Variants in MAP2 observed in about 807,000 individuals in gnomAD.
MAP2 encodes the protein microtubule associated protein 2, also known as microtubule-associated protein 2.
A neutral mutation model predicts 137.6 loss-of-function variants in MAP2; 14 were observed. The ratio of observed to expected loss-of-function variants is 0.10; its 90% confidence interval spans 0.07 to 0.16. The LOEUF (loss-of-function observed/expected upper bound fraction) is 0.16. MAP2 is among the 10% of genes least tolerant of loss of function. The pLI is 1.00. For missense variants in MAP2, 2,088 were observed against 2,191.5 expected (o/e 0.95, Z 0.94); for synonymous variants, 786 against 782.3 (o/e 1.00, Z -0.08).
At chr2:209,471,653 A>G (rs1235128656) in intron 1 of MAP2, among the ~76,000 whole-genome samples, 1 of 84,970 alleles carries the variant, frequency 1.2e-5, no homozygotes, top group East Asian at 3.4e-4. Flanking sequence ...CACCCCCGGC[A>G]CTTAATAAAA....
Position 209,498,887 on chromosome 2 carries a change from G to T in MAP2, c.-221-8705G>T, listed in dbSNP as rs529452582. On this transcript the variant is annotated intron_variant, in intron 1 of 15. Transcript: ENST00000682079. ...TATGATGGGAGGGGCTGCCATGAAG[G>T]TCTCTGAAATGCCTTCAAGGCCTTT... is the stretch of plus-strand genomic sequence containing the variant. Among the ~76,000 whole-genome samples, 19 of 152,274 alleles carry T rather than the reference G, an allele frequency of 1.2e-4. No individual in the cohort carries two copies. The East Asian group carries it at 1.7e-3, about 14-fold the overall frequency.
At chr2:209,676,761 A>ATC (rs2051881662) in intron 5 of MAP2, among the ~76,000 whole-genome samples, 1 of 98,204 alleles carries the variant, frequency 1.0e-5, no homozygotes, top group Non-Finnish European at 2.2e-5. Flanking sequence ...ATATATATAT[A>ATC]TATATATATA....
rs1012418719 is a variant in MAP2 at position 209,733,786 on chromosome 2, A to C, written c.*3389A>C. The C allele has an allele frequency of 7.9e-5, 12 of 152,490 alleles. No individual in the cohort carries two copies. The highest frequency in any genetic ancestry group is 3.2e-3 in the Middle Eastern group (1 of 316). 9.4% of individuals were successfully genotyped at this position (152,490 alleles called of 1,614,324 possible). A position where few individuals can be genotyped will look rare whatever the true frequency, so the allele number is the denominator to read the frequency against. On this transcript the variant is annotated 3_prime_UTR_variant, in exon 16 of 16. Coordinates refer to ENST00000682079, the MANE Select transcript of MAP2 (RefSeq NM_001375505.1). ...CCTAGGATTTTTAGCTTGGGTGTGT[A>C]GGTGAAGGCCAAGACTCTCTGCAGG...
chr2:209,680,799 C>T lies in MAP2; in HGVS notation c.426C>T (p.Ala142=), dbSNP rs1486876698. The stretch of plus-strand genomic sequence containing the variant: ...CTCCTTCTCCACCCCCATCACCTGC[C>T]TCAGAACAGACTGTCACAGTGGAGG... The part of the protein sequence containing the change: ...NLPPSPPPSP[A]SEQTVTVEED... Residue 142 remains alanine, a synonymous_variant, in exon 7 of 16, where the codon GCC becomes GCT. Coordinates refer to ENST00000682079, the MANE Select transcript of MAP2 (RefSeq NM_001375505.1). The T allele has an allele frequency of 4.3e-6, 7 of 1,613,528 alleles. No homozygotes were observed. The highest frequency in any genetic ancestry group is 1.7e-5 in the Admixed American group (1 of 59,960).
At chr2:209,690,597 C>T in intron 7 of MAP2, 1 of 1,274,640 alleles carries the variant, frequency 7.8e-7, no homozygotes, top group South Asian at 1.3e-5. Flanking sequence ...CTTTTTCATC[C>T]CTAAGAAGAA....
At chr2:209,714,861 T>G (rs1462342909) in intron 13 of MAP2, among the ~76,000 whole-genome samples, 2 of 152,296 alleles carry the variant, frequency 1.3e-5, no homozygotes, top group African/African-American at 4.8e-5. Flanking sequence ...AATGAATAAT[T>G]AGTCACTTAT....
intron 4 of MAP2, among the ~76,000 whole-genome samples, chr2:209,627,401 G>A (rs2092484527): frequency 6.6e-6 from 1 of 152,114 alleles, no homozygotes; most frequent in Non-Finnish European, 1.5e-5. Flanking sequence ...GTTGGGGGAG[G>A]AAGAGGAATA....
intron 2 of MAP2, among the ~76,000 whole-genome samples, chr2:209,558,133 A>G (rs892079605): frequency 2.0e-5 from 3 of 152,188 alleles, no homozygotes; most frequent in Non-Finnish European, 4.4e-5. Context: ...TGTATATACC[A>G]TGTGCATACA....
At chr2:209,631,315 C>A (rs553882280) in intron 4 of MAP2, among the ~76,000 whole-genome samples, 1 of 152,232 alleles carries the variant, frequency 6.6e-6, no homozygotes, top group South Asian at 2.1e-4. Flanking sequence ...TTTCAGTACA[C>A]ATAGTTCCAA....
Position 209,693,170 on chromosome 2 carries a change from G to T in MAP2, c.1000G>T (p.Val334Phe). 1 of 1,610,656 alleles carries T rather than the reference G, an allele frequency of 6.2e-7. No homozygotes were observed. The highest frequency in any genetic ancestry group is 1.1e-5 in the South Asian group (1 of 90,438). The change falls in exon 8 of 16, where the codon GTT (valine) becomes TTT (phenylalanine). Residue 334 changes from valine to phenylalanine, a missense_variant. Around this residue, in one of 6 missense-constraint regions of MAP2, gnomAD observed 859 missense variants for 794.5 expected, o/e 1.08. Coordinates refer to ENST00000682079, the MANE Select transcript of MAP2 (RefSeq NM_001375505.1). ...TTTAGATGTCATGAAGAATGAAATA[G>T]TTACAGAAACATCGCCCTTTGCCCC... ...LPLDVMKNEI[V>F]TETSPFAPAF...
In MAP2 at chr2:209,696,078, A is replaced by C; in HGVS notation, c.3908A>C (p.Glu1303Ala). 6.2e-7 allele frequency: 1 copy of C among 1,614,066 alleles called. No individual in the cohort carries two copies. The highest frequency in any genetic ancestry group is 8.5e-7 in the Non-Finnish European group (1 of 1,180,000). The change falls in exon 8 of 16, where the codon GAG becomes GCG. Residue 1303 changes from glutamate to alanine, a missense_variant. By Grantham distance (107) the Glu-to-Ala change is moderately radical (BLOSUM62 -1). Around this residue, in one of 6 missense-constraint regions of MAP2, gnomAD observed 591 missense variants for 642.6 expected, o/e 0.92. Coordinates refer to ENST00000682079, the MANE Select transcript of MAP2 (RefSeq NM_001375505.1). ...GTGCAAACCACAACTGATGAAGGGG[A>C]GTCAGGGTCCCACAGCGTGCGTTTT... ...TVVQTTTDEG[E>A]SGSHSVRFAA...
chr2:209,488,345 A>G (rs1435908880), intron 1 of MAP2, among the ~76,000 whole-genome samples: 2 of 152,150 alleles, frequency 1.3e-5, no homozygotes, highest in Non-Finnish European at 2.9e-5. Context: ...TTTCAAGCAC[A>G]AAACTGGATG....
chr2:209,693,949 T>C lies in MAP2; in HGVS notation c.1779T>C (p.Tyr593=), dbSNP rs1583646639. The C allele has an allele frequency of 2.5e-6, 4 of 1,613,774 alleles. No individual in the cohort carries two copies. The highest frequency in any genetic ancestry group is 2.5e-6 in the Non-Finnish European group (3 of 1,179,904). The change falls in exon 8 of 16, where the codon TAT becomes TAC. Residue 593 remains tyrosine (Y), a synonymous_variant. Transcript: ENST00000682079. ...TKSIEPGSDY[Y]ELSDTRESVH... ...GCATTGAGCCAGGCAGTGATTACTA[T>C]GAACTGAGTGACACTAGAGAAAGTG...
At chr2:209,711,256 C>G (rs2065355481) in intron 13 of MAP2, among the ~76,000 whole-genome samples, 1 of 152,074 alleles carries the variant, frequency 6.6e-6, no homozygotes, top group African/African-American at 2.4e-5. Context: ...CCACTGCTTT[C>G]TGGTATCTCT....
At chr2:209,617,451 C>G (rs1405493360) in intron 3 of MAP2, among the ~76,000 whole-genome samples, 1 of 152,088 alleles carries the variant, frequency 6.6e-6, no homozygotes, top group Non-Finnish European at 1.5e-5. Flanking sequence ...AGATACCCAG[C>G]GTGATCAAAT....
chr2:209,715,517 A>T (rs914941704), intron 13 of MAP2, among the ~76,000 whole-genome samples: 3 of 152,210 alleles, frequency 2.0e-5, no homozygotes, highest in Admixed American at 6.5e-5. Flanking sequence ...AGCAAAAAAA[A>T]AAGTGATATA....
At chr2:209,481,009 G>A (rs1708617368) in intron 1 of MAP2, among the ~76,000 whole-genome samples, 1 of 152,114 alleles carries the variant, frequency 6.6e-6, no homozygotes, top group Non-Finnish European at 1.5e-5. Context: ...GTACCTTCGA[G>A]GTTACAAGAT....
chr2:209,627,842 C>T (rs1479872573), intron 4 of MAP2, among the ~76,000 whole-genome samples: 1 of 152,134 alleles, frequency 6.6e-6, no homozygotes, highest in East Asian at 1.9e-4. Flanking sequence ...CTGTGATATC[C>T]TCACACTGCT....
chr2:209,431,629 A>G (rs1162061142), intron 1 of MAP2, among the ~76,000 whole-genome samples: 1 of 152,188 alleles, frequency 6.6e-6, no homozygotes, highest in Non-Finnish European at 1.5e-5. Flanking sequence ...TTATCTAGTT[A>G]GTAGGGGAAG....
Sources: allele counts gnomAD v4.1 joint callset (sites outside exome capture counted in the v4.1 genomes callset), GRCh38; gene constraint gnomAD v4.1.1; regional missense constraint gnomAD v4.1.1; transcripts MANE v1.5; gene names NCBI Gene and HGNC (gene_info 2026-07-23, HGNC 2026-07-21).